Variants in JAK1 observed in about 807,000 individuals in gnomAD.
The protein encoded by JAK1 is tyrosine-protein kinase JAK1.
Under a neutral mutation model 136.6 loss-of-function variants are expected in JAK1, and 16 were observed. The observed-to-expected ratio is 0.12, with a 90% CI of 0.08 to 0.18. JAK1 has a LOEUF of 0.18. Ranked by LOEUF, JAK1 falls within the 10% of genes least tolerant of loss-of-function variation. The pLI, the probability that JAK1 is intolerant of heterozygous loss-of-function variation, is 1.00. For missense variants in JAK1, 859 were observed against 1,450.1 expected (o/e 0.59, Z 6.62); for synonymous variants, 492 against 519.5 (o/e 0.95, Z 0.72).
Position 64,837,133 on chromosome 1 carries a change from G to A in JAK1, c.3140+799C>T, listed in dbSNP as rs576943507. Among the ~76,000 whole-genome samples the A allele has an allele frequency of 3.3e-5, 5 of 152,238 alleles. No individual in the cohort carries two copies. The East Asian group carries it at 9.6e-4, about 29-fold the overall frequency. ...TCACGACTTCCAGAAAACCAAGCCCGAACCCTTCTGTATGTTTCCTGCTCC... is the reference window on the plus strand; with the variant it reads ...TCACGACTTCCAGAAAACCAAGCCCAAACCCTTCTGTATGTTTCCTGCTCC... On this transcript the variant is annotated intron_variant, in intron 22 of 24. Coordinates refer to ENST00000342505, the MANE Select transcript of JAK1 (RefSeq NM_002227.4).
intron 1 of JAK1, among the ~76,000 whole-genome samples, chr1:65,055,961 A>G (rs1647516791): frequency 1.3e-5 from 2 of 152,230 alleles, no homozygotes; most frequent in African/African-American, 4.8e-5. Context: ...AGTAACGGGG[A>G]AAACAGGAAG....
rs12129819 is a variant in JAK1, at chr1:64,837,976, C to T, written c.3096G>A (p.Lys1032=). 145,457 of 1,613,920 alleles carry T rather than the reference C, an allele frequency of 0.09. 7,594 individuals carry two copies. The highest frequency in any genetic ancestry group is 0.1 in the Non-Finnish European group (122,173 of 1,179,842). The change falls in exon 22 of 25, where the codon AAG becomes AAA. Residue 1032 remains lysine, a synonymous_variant. Transcript: ENST00000342505. ...FGLTKAIETD[K]EYYTVKDDRD... is the part of the protein sequence containing the mutation. ...GGTCATCCTTGACGGTGTAATACTC[C>T]TTATCGGTTTCAATTGCTTTGGTTA...
At chr1:64,938,619 A>G (rs1373067687) in intron 1 of JAK1, among the ~76,000 whole-genome samples, 1 of 152,194 alleles carries the variant, frequency 6.6e-6, no homozygotes, top group Non-Finnish European at 1.5e-5. Context: ...TCTCAATACT[A>G]AAACCATTTA....
Position 64,841,530 on chromosome 1 carries a change from G to T in JAK1, c.2475C>A (p.Thr825=), listed in dbSNP as rs1170754619. 6.2e-7 allele frequency: 1 copy of T among 1,614,038 alleles called. No individual in the cohort carries two copies. Among genetic ancestry groups the T allele is most frequent in the Non-Finnish European group, 8.5e-7 (1 of 1,179,940 alleles). ...GATTGGGGTCATAGTTCATGCAGCG[G>T]GTCATGAGGTCAGCCAGCTCCTTAC... ...PSCKELADLM[T]RCMNYDPNQR... The change falls in exon 18 of 25, where the codon ACC becomes ACA. Residue 825 remains threonine (T), a synonymous_variant. Coordinates refer to ENST00000342505, the MANE Select transcript of JAK1 (RefSeq NM_002227.4).
rs184322624 is a variant in JAK1 at position 65,052,596 on chromosome 1, G to A, written c.-180-8014C>T. On this transcript the variant is annotated intron_variant, in intron 1 of 25. Coordinates refer to the JAK1 transcript ENST00000671954. Reference sequence around the variant, plus strand: ...TGGGAGGCCGAGGCGGGCGGATCACGAGGTCAGGAGATCGAGACCATCCTG... The same window carrying A: ...TGGGAGGCCGAGGCGGGCGGATCACAAGGTCAGGAGATCGAGACCATCCTG... 6.6e-3 allele frequency among the ~76,000 whole-genome samples: 1,008 copies of A among 151,934 alleles called. 37 individuals carry two copies. In the East Asian group the frequency reaches 0.11, roughly 17 times the overall value.
chr1:64,985,071 A>C (rs899871399), intron 2 of JAK1: 4 of 904,730 alleles, frequency 4.4e-6, no homozygotes, highest in African/African-American at 3.3e-5. Context: ...ACAAAAAGCC[A>C]TCCCTCCAAG....
chr1:64,994,933 A>G (rs867708182), intron 2 of JAK1: 6 of 147,568 alleles, frequency 4.1e-5, no homozygotes, highest in Non-Finnish European at 7.4e-5. Context: ...GACACCATAC[A>G]TGTGAAAGTA....
intron 1 of JAK1, among the ~76,000 whole-genome samples, chr1:64,938,734 T>C (rs1243939706): frequency 6.6e-6 from 1 of 152,206 alleles, no homozygotes; most frequent in Admixed American, 6.5e-5. Context: ...GTAGAGTTCA[T>C]TACAAAAGAA....
At chr1:65,002,239 G>C (rs1158876922) in intron 2 of JAK1, 2 of 152,192 alleles carry the variant, frequency 1.3e-5, no homozygotes, top group Non-Finnish European at 2.9e-5. Context: ...GCCCATTTGG[G>C]CAAATGAGTG....
chr1:65,008,613 C>CTCCCCT lies in JAK1; in HGVS notation c.-78+35861_-78+35866dup, dbSNP rs111991178. Among the ~76,000 whole-genome samples the CTCCCCT allele has an allele frequency of 2.0e-3, 310 of 151,480 alleles. 3 individuals carry two copies. The highest frequency in any genetic ancestry group is 5.7e-3 in the Admixed American group (86 of 15,186). On this transcript the variant is annotated intron_variant, in intron 2 of 25. Transcript: ENST00000671954. ...GTACAGGTTCATATAATAAGTCCTG[C>CTCCCCT]TCCCCTTCCCCTTCCCCTTCCCCTT...
At chr1:64,947,622 C>CA (rs1553173090) in intron 1 of JAK1, among the ~76,000 whole-genome samples, 2 of 147,032 alleles carry the variant, frequency 1.4e-5, no homozygotes, top group African/African-American at 2.5e-5. Flanking sequence ...CCAATAAATC[C>CA]TTTTTTTTTT....
chr1:64,903,054 T>C (rs976690689), intron 1 of JAK1, among the ~76,000 whole-genome samples: 4 of 152,032 alleles, frequency 2.6e-5, no homozygotes, highest in African/African-American at 9.7e-5. Context: ...GAGACAGAGT[T>C]TTGCTCTTGT....
In JAK1 at chr1:65,011,353, A is replaced by G. The variant is rs369879237; in HGVS notation, c.-78+33127T>C. Among the ~76,000 whole-genome samples the G allele has an allele frequency of 1.2e-4, 18 of 151,496 alleles. 1 individual carries two copies. Among genetic ancestry groups the G allele is most frequent in the Admixed American group, 3.3e-4 (5 of 15,244 alleles). ...AAGCTGGGTGTGGTAGTGCATGCCA[A>G]TAGTCCCAGCTACTTGGGAGGCTGA... On this transcript the variant is annotated intron_variant, in intron 2 of 25. Transcript: ENST00000671954.
At chr1:64,944,453 T>G (rs957835866) in intron 1 of JAK1, among the ~76,000 whole-genome samples, 3 of 152,152 alleles carry the variant, frequency 2.0e-5, no homozygotes, top group African/African-American at 7.2e-5. Context: ...TCCTGTATGT[T>G]ATTATTGTTT....
chr1:64,883,792 C>A (rs538308131), intron 2 of JAK1, among the ~76,000 whole-genome samples: 1 of 151,938 alleles, frequency 6.6e-6, no homozygotes, highest in African/African-American at 2.4e-5. Flanking sequence ...TCCATTTGCA[C>A]CCAAGTTGTA....
At chr1:65,000,790 G>GA (rs1273981693) in intron 2 of JAK1, among the ~76,000 whole-genome samples, 3 of 151,598 alleles carry the variant, frequency 2.0e-5, no homozygotes, top group Non-Finnish European at 4.4e-5. Context: ...TCTGATTCTG[G>GA]AAAAAATCTG....
At chr1:64,850,146 C>A (rs1655495862) in intron 12 of JAK1, among the ~76,000 whole-genome samples, 1 of 152,278 alleles carries the variant, frequency 6.6e-6, no homozygotes, top group East Asian at 1.9e-4. Flanking sequence ...CTCCCTGATA[C>A]CCCAACGCGT....
chr1:65,051,849 C>G (rs1456164121), intron 1 of JAK1, among the ~76,000 whole-genome samples: 1 of 152,176 alleles, frequency 6.6e-6, no homozygotes, highest in African/African-American at 2.4e-5. Context: ...TTACTTTACT[C>G]CATTTCAATT....
intron 1 of JAK1, among the ~76,000 whole-genome samples, chr1:64,909,364 G>A (rs1001140995): frequency 6.6e-5 from 10 of 152,154 alleles, no homozygotes; most frequent in Admixed American, 1.3e-4. Flanking sequence ...TAGTAGAGGG[G>A]AGCAGATGAT....
Sources: gnomAD v4.1 joint callset for allele counts (sites outside exome capture counted in the v4.1 genomes callset) on GRCh38, gnomAD v4.1.1 for gene constraint, MANE v1.5 for transcripts, NCBI Gene and HGNC (gene_info 2026-07-23, HGNC 2026-07-21) for gene names.